The following GRIK4 variants were observed in gnomAD, a reference collection of about 807,000 sequenced individuals.
GRIK4 encodes glutamate ionotropic receptor kainate type subunit 4.
A neutral mutation model predicts 104.9 loss-of-function variants in GRIK4; 40 were observed. The observed-to-expected ratio is 0.38, with a 90% CI of 0.30 to 0.50. The LOEUF is 0.50. GRIK4 is among the 20% of genes least tolerant of loss of function. The pLI, the probability that GRIK4 is intolerant of heterozygous loss-of-function variation, is 0.93. For synonymous variants in GRIK4, 485 were observed against 524.9 expected, an observed-to-expected ratio of 0.92 and a Z score of 1.04; for missense variants, 1,047 against 1,308.1, an observed-to-expected ratio of 0.80 and a Z score of 3.08.
chr11:120,556,610 A>C (rs905084103), intron 1 of GRIK4, among the ~76,000 whole-genome samples: 2 of 151,556 alleles, frequency 1.3e-5, no homozygotes, highest in Non-Finnish European at 2.9e-5. Flanking sequence ...GGCCCACCTG[A>C]TCTCTCTAAG....
chr11:120,641,576 T>C (rs1249409879), intron 1 of GRIK4, among the ~76,000 whole-genome samples: 2 of 152,214 alleles, frequency 1.3e-5, no homozygotes, highest in Non-Finnish European at 2.9e-5. Context: ...AACTTCCTGA[T>C]GTTGCCATGG....
At chr11:120,663,289 C>T (rs1266239891) in intron 3 of GRIK4, among the ~76,000 whole-genome samples, 2 of 152,158 alleles carry the variant, frequency 1.3e-5, no homozygotes. Flanking sequence ...CGTTATCTAA[C>T]CTGCTCATCT....
At chr11:120,657,776 A>G (rs1053635498) in intron 2 of GRIK4, among the ~76,000 whole-genome samples, 1 of 152,208 alleles carries the variant, frequency 6.6e-6, no homozygotes, top group Non-Finnish European at 1.5e-5. Context: ...CGTGTGGATG[A>G]AATGTTGAGT....
intron 7 of GRIK4, among the ~76,000 whole-genome samples, chr11:120,835,716 G>A (rs144295294): frequency 3.0e-4 from 45 of 152,206 alleles, no homozygotes; most frequent in Non-Finnish European, 5.0e-4. Context: ...AAATCTAGCC[G>A]ACTGTCAGGA....
chr11:120,527,842 C>G (rs1032479059), intron 1 of GRIK4, among the ~76,000 whole-genome samples: 1 of 152,204 alleles, frequency 6.6e-6, no homozygotes, highest in Non-Finnish European at 1.5e-5. Flanking sequence ...GAAGAGGCTT[C>G]TTTACCAGCG....
chr11:120,910,507 C>A (rs953854197), intron 13 of GRIK4, among the ~76,000 whole-genome samples: 8 of 152,190 alleles, frequency 5.3e-5, no homozygotes, highest in African/African-American at 9.7e-5. Flanking sequence ...CTGGTCAGCT[C>A]CTTTGCAGCT....
chr11:120,864,396 G>A (rs1437670067), intron 9 of GRIK4, among the ~76,000 whole-genome samples: 44 of 151,890 alleles, frequency 2.9e-4, no homozygotes, highest in South Asian at 6.3e-4. Flanking sequence ...GCCCGCCACC[G>A]TGCCTGGCTA....
Position 120,955,403 on chromosome 11 carries a change from C to T in GRIK4, c.1701-1377C>T, listed in dbSNP as rs543509254. ...AGCGACAGTGGGAACACTAAGTGCA[C>T]ATCAGGCCGAGTGCAGGACGGGAAA... On this transcript the variant is annotated intron_variant, in intron 15 of 20. Coordinates refer to ENST00000527524, the MANE Select transcript of GRIK4 (RefSeq NM_014619.5). 3.3e-5 allele frequency among the ~76,000 whole-genome samples: 5 copies of T among 152,346 alleles called. No individual in the cohort carries two copies. The South Asian group carries it at 8.3e-4, about 25-fold the overall frequency.
At chr11:120,877,681 A>G (rs1954856053) in intron 11 of GRIK4, among the ~76,000 whole-genome samples, 1 of 152,234 alleles carries the variant, frequency 6.6e-6, no homozygotes, top group African/African-American at 2.4e-5. Context: ...GGCAGTGGGC[A>G]AACAAATATA....
chr11:120,793,481 C>T (rs1438053883), intron 3 of GRIK4, among the ~76,000 whole-genome samples: 1 of 152,108 alleles, frequency 6.6e-6, no homozygotes, highest in African/African-American at 2.4e-5. Context: ...TTGTCTGGAG[C>T]CCTCGTTACC....
intron 13 of GRIK4, among the ~76,000 whole-genome samples, chr11:120,916,324 G>A (rs1943103965): frequency 6.6e-6 from 1 of 152,162 alleles, no homozygotes; most frequent in South Asian, 2.1e-4. Flanking sequence ...ATTTTAATGA[G>A]GTCATACAGG....
chr11:120,814,688 A>T (rs1054506392), intron 4 of GRIK4, among the ~76,000 whole-genome samples: 1 of 152,192 alleles, frequency 6.6e-6, no homozygotes, highest in Admixed American at 6.5e-5. Context: ...TGTTCAGTCC[A>T]GGAGGGAAAG....
At chr11:120,878,236 C>A (rs1489569477) in intron 11 of GRIK4, among the ~76,000 whole-genome samples, 2 of 152,138 alleles carry the variant, frequency 1.3e-5, no homozygotes, top group Admixed American at 1.3e-4. Context: ...CCAGGATGAC[C>A]GAGAGTGCTT....
Position 120,633,644 on chromosome 11 carries a change from AAG to A in GRIK4, c.-158-20038_-158-20037del, listed in dbSNP as rs1320767059. Among the ~76,000 whole-genome samples, 27 of 152,182 alleles carry A rather than the reference AAG, an allele frequency of 1.8e-4. 1 individual carries two copies. Among genetic ancestry groups the A allele is most frequent in the Non-Finnish European group, 3.8e-4 (26 of 68,030 alleles). On this transcript the variant is annotated intron_variant, in intron 1 of 20. Transcript: ENST00000527524. Reference sequence around the variant, plus strand: ...TGTACTGAGTTGGCTTTTTTAAGTAAAGAGGGAAATGAAAGCCACAGGTCCCC... The same window carrying A: ...TGTACTGAGTTGGCTTTTTTAAGTAAAGGGAAATGAAAGCCACAGGTCCCC...
intron 3 of GRIK4, among the ~76,000 whole-genome samples, chr11:120,795,745 G>A (rs1298206324): frequency 6.6e-6 from 1 of 152,180 alleles, no homozygotes; most frequent in Non-Finnish European, 1.5e-5. Flanking sequence ...AGATTCAAAG[G>A]AAAGAGGGAT....
intron 8 of GRIK4, among the ~76,000 whole-genome samples, chr11:120,848,383 A>G (rs1442470437): frequency 1.3e-5 from 2 of 152,200 alleles, no homozygotes; most frequent in Non-Finnish European, 2.9e-5. Context: ...TACCTAGCGC[A>G]GGCTCTGGTT....
intron 1 of GRIK4, among the ~76,000 whole-genome samples, chr11:120,628,937 A>G (rs1949296835): frequency 6.6e-6 from 1 of 152,144 alleles, no homozygotes; most frequent in Non-Finnish European, 1.5e-5. Context: ...CTGTGCTAGG[A>G]CACTCAGAGT....
intron 1 of GRIK4, among the ~76,000 whole-genome samples, chr11:120,571,282 G>A (rs1239439953): frequency 2.6e-5 from 4 of 152,150 alleles, no homozygotes; most frequent in African/African-American, 9.7e-5. Context: ...AGATTGAAAA[G>A]CTGTGCAGCA....
chr11:120,855,950 GGC>G (rs755286892), intron 8 of GRIK4, among the ~76,000 whole-genome samples: 4 of 152,376 alleles, frequency 2.6e-5, no homozygotes, highest in Middle Eastern at 3.4e-3. Flanking sequence ...GAAAGAGGAA[GGC>G]GAAGCCTCCA....
Sources: allele counts gnomAD v4.1 joint callset (sites outside exome capture counted in the v4.1 genomes callset), GRCh38; gene constraint gnomAD v4.1.1; transcripts MANE v1.5; gene names NCBI Gene and HGNC (gene_info 2026-07-23, HGNC 2026-07-21).